Variants in LRFN5 observed in about 807,000 individuals in gnomAD.
LRFN5 encodes leucine-rich repeat and fibronectin type-III domain-containing protein 5.
A neutral mutation model predicts 45.6 loss-of-function variants in LRFN5; 24 were observed. The ratio of observed to expected loss-of-function variants is 0.53; its 90% CI spans 0.38 to 0.74. The LOEUF is 0.74. Ranked by LOEUF, LRFN5 falls within the 30% of genes least tolerant of loss-of-function variation. The pLI, the probability that LRFN5 is intolerant of heterozygous loss-of-function variation, is 0.00. For missense variants in LRFN5, 776 were observed against 861.5 expected (o/e 0.90, Z 1.24); for synonymous variants, 340 against 313.8 (o/e 1.08, Z -0.88).
chr14:41,878,990 A>G (rs966089249), intron 2 of LRFN5, among the ~76,000 whole-genome samples: 1 of 152,050 alleles, frequency 6.6e-6, no homozygotes, highest in Non-Finnish European at 1.5e-5. Flanking sequence ...ATCTTGTCCA[A>G]ATAACTTGGG....
intron 1 of LRFN5, among the ~76,000 whole-genome samples, chr14:41,694,728 C>G (rs748942094): frequency 6.6e-6 from 1 of 151,794 alleles, no homozygotes; most frequent in Non-Finnish European, 1.5e-5. Flanking sequence ...GTAATTCATA[C>G]AATATTTCAA....
chr14:41,691,716 A>G (rs995658341), intron 1 of LRFN5, among the ~76,000 whole-genome samples: 1 of 152,108 alleles, frequency 6.6e-6, no homozygotes, highest in African/African-American at 2.4e-5. Flanking sequence ...AACATATAGA[A>G]CAATTTCATA....
At chr14:41,804,488 A>T in intron 2 of LRFN5, among the ~76,000 whole-genome samples, 1 of 152,122 alleles carries the variant, frequency 6.6e-6, no homozygotes, top group East Asian at 1.9e-4. Flanking sequence ...TGACCTCCGG[A>T]ATAATGACTG....
At chr14:41,831,971 A>C (rs1011353461) in intron 2 of LRFN5, among the ~76,000 whole-genome samples, 4 of 152,016 alleles carry the variant, frequency 2.6e-5, no homozygotes, top group African/African-American at 9.7e-5. Flanking sequence ...GAGAGAAAAA[A>C]ATTTTTAACT....
intron 1 of LRFN5, among the ~76,000 whole-genome samples, chr14:41,743,432 A>G (rs903858495): frequency 6.6e-6 from 1 of 152,222 alleles, no homozygotes; most frequent in African/African-American, 2.4e-5. Flanking sequence ...TATGTAAAAT[A>G]AAGACGCAGT....
Position 41,887,293 on chromosome 14 carries a change from C to T in LRFN5, c.668C>T (p.Ala223Val). The T allele has an allele frequency of 6.2e-7, 1 of 1,614,202 alleles. No individual in the cohort carries two copies. Among genetic ancestry groups the T allele is most frequent in the Non-Finnish European group, 8.5e-7 (1 of 1,180,038 alleles). ...CTCTTTCAGCGAGCTCAGGTACTAG[C>T]AACCTCAGGAATCATAAGCCCATCT... Reference protein sequence around the residue: ...DPLFQRAQVLATSGIISPSTF... With the variant: ...DPLFQRAQVLVTSGIISPSTF... Residue 223 changes from alanine (A) to valine (V), a missense_variant, in exon 3 of 6, where the codon GCA becomes GTA. Ala to Val is a moderately conservative substitution (Grantham distance 64). This residue lies in a region of LRFN5 where 311 missense variants were observed against 405.1 expected (regional missense o/e 0.77). Transcript: ENST00000298119. The surrounding 1 kb of genome is among the most constrained non-coding windows in gnomAD (Gnocchi z 4.8).
intron 1 of LRFN5, among the ~76,000 whole-genome samples, chr14:41,643,599 A>T (rs1008327994): frequency 1.3e-5 from 2 of 152,066 alleles, no homozygotes; most frequent in African/African-American, 4.8e-5. Flanking sequence ...TGATGCACTA[A>T]AAAAGGCAAA....
At chr14:41,824,780 G>A (rs150274837) in intron 2 of LRFN5, among the ~76,000 whole-genome samples, 1 of 152,088 alleles carries the variant, frequency 6.6e-6, no homozygotes, top group Non-Finnish European at 1.5e-5. Context: ...GAGGGACAAA[G>A]CTGCTCTCAG....
chr14:41,656,145 C>A (rs556205873), intron 1 of LRFN5, among the ~76,000 whole-genome samples: 1 of 151,878 alleles, frequency 6.6e-6, no homozygotes, highest in Non-Finnish European at 1.5e-5. Flanking sequence ...TCACTTACTG[C>A]GTAGCTATGG....
Position 41,835,047 on chromosome 14 carries a change from GA to G in LRFN5, c.-20-51557del, listed in dbSNP as rs1888615200. ...AAACATGAAATAGAAGAGAATCTTA[GA>G]AGCCCAAAGAATGAAAGCAAAGTTT... On this transcript the variant is annotated intron_variant, in intron 2 of 5. Coordinates refer to ENST00000298119, the MANE Select transcript of LRFN5 (RefSeq NM_152447.5). 4.6e-5 allele frequency among the ~76,000 whole-genome samples: 7 copies of G among 150,620 alleles called. No homozygotes were observed. In the South Asian group the frequency reaches 1.5e-3, roughly 32 times the overall value.
intron 2 of LRFN5, among the ~76,000 whole-genome samples, chr14:41,784,447 G>A (rs1886644575): frequency 6.6e-6 from 1 of 151,004 alleles, no homozygotes; most frequent in Non-Finnish European, 1.5e-5. Flanking sequence ...TACTCATGTT[G>A]CCCTTTATTC....
At chr14:41,747,284 T>G (rs890712244) in intron 1 of LRFN5, among the ~76,000 whole-genome samples, 2 of 151,940 alleles carry the variant, frequency 1.3e-5, no homozygotes, top group East Asian at 3.9e-4. Flanking sequence ...ATTGCAAAAC[T>G]TACTACAAAG....
At chr14:41,695,106 CTT>C (rs1046606737) in intron 1 of LRFN5, among the ~76,000 whole-genome samples, 4 of 151,966 alleles carry the variant, frequency 2.6e-5, no homozygotes, top group African/African-American at 9.6e-5. Flanking sequence ...TATGGAGAAA[CTT>C]TTAGCAGTTC....
At chr14:41,725,221 T>C (rs1287406334) in intron 1 of LRFN5, among the ~76,000 whole-genome samples, 2 of 152,192 alleles carry the variant, frequency 1.3e-5, no homozygotes, top group Admixed American at 6.5e-5. Context: ...CTTAAAAATG[T>C]TGCTATCATC....
chr14:41,665,051 T>C (rs1329432084), intron 1 of LRFN5, among the ~76,000 whole-genome samples: 1 of 152,094 alleles, frequency 6.6e-6, no homozygotes, highest in African/African-American at 2.4e-5. Flanking sequence ...ATATTTTGCT[T>C]ATTATATCAA....
intron 1 of LRFN5, among the ~76,000 whole-genome samples, chr14:41,640,714 C>T (rs1356205448): frequency 6.6e-6 from 1 of 152,122 alleles, no homozygotes; most frequent in African/African-American, 2.4e-5. Context: ...TTTGCAAAAA[C>T]TATTGTACAA....
At chr14:41,781,067 T>C (rs772588399) in intron 2 of LRFN5, among the ~76,000 whole-genome samples, 1 of 152,184 alleles carries the variant, frequency 6.6e-6, no homozygotes, top group Admixed American at 6.6e-5. Context: ...TTCGAACAAC[T>C]AGCTATCTTT....
intron 2 of LRFN5, among the ~76,000 whole-genome samples, chr14:41,785,231 A>G (rs1217607224): frequency 1.3e-5 from 2 of 151,924 alleles, no homozygotes; most frequent in Admixed American, 1.3e-4. Flanking sequence ...CTGCCTTTTA[A>G]TTGCAGTGTT....
At chr14:41,790,577 GTTT>G (rs10711984) in intron 2 of LRFN5, among the ~76,000 whole-genome samples, 1 of 143,030 alleles carries the variant, frequency 7.0e-6, no homozygotes, top group African/African-American at 2.5e-5. Context: ...GGCTAATTTT[GTTT>G]TTTTTTTTTA....
Sources: gnomAD v4.1 joint callset for allele counts (sites outside exome capture counted in the v4.1 genomes callset) on GRCh38, gnomAD v4.1.1 for gene constraint, gnomAD v4.1.1 regional missense constraint, Gnocchi (gnomAD v3.1) non-coding constraint, MANE v1.5 for transcripts, NCBI Gene and HGNC (gene_info 2026-07-23, HGNC 2026-07-21) for gene names.